The following PVT1 variants were observed in gnomAD, a reference collection of about 807,000 sequenced individuals.
PVT1 encodes the protein CXCR4/PVT1 fusion.
At chr8:127,989,159 T>C (rs1228407526) in intron 3 of PVT1, 1 of 152,240 alleles carries the variant, frequency 6.6e-6, no homozygotes, top group Non-Finnish European at 1.5e-5. Context: ...TGTGTGTTTC[T>C]AGAATCCTGT....
At chr8:127,949,379 CTGTGTGTGTGTGTG>C (rs61425056) in intron 3 of PVT1, among the ~76,000 whole-genome samples, 158 of 111,320 alleles carry the variant, frequency 1.4e-3, no homozygotes, top group African/African-American at 3.9e-3. Flanking sequence ...ACTCCAGGAG[CTGTGTGTGTGTGTG>C]TGTGTGTGTG....
chr8:127,830,563 G>T (rs556472357), intron 2 of PVT1, among the ~76,000 whole-genome samples: 1 of 152,102 alleles, frequency 6.6e-6, no homozygotes, highest in Admixed American at 6.5e-5. Context: ...TGGATATGGA[G>T]GTGAGAAAAT....
chr8:127,802,371 G>A (rs1372760790), intron 2 of PVT1, among the ~76,000 whole-genome samples: 2 of 151,932 alleles, frequency 1.3e-5, no homozygotes, highest in Non-Finnish European at 2.9e-5. Flanking sequence ...GTGTCACCAC[G>A]CCCAGCTAAT....
intron 4 of PVT1, among the ~76,000 whole-genome samples, chr8:128,057,358 C>T (rs569364850): frequency 3.9e-5 from 6 of 152,276 alleles, no homozygotes; most frequent in African/African-American, 1.4e-4. Context: ...TATGACCTAA[C>T]CGGAAAAACC....
intron 2 of PVT1, among the ~76,000 whole-genome samples, chr8:127,823,377 T>C (rs548162438): frequency 5.9e-5 from 9 of 152,212 alleles, no homozygotes; most frequent in Admixed American, 2.0e-4. Context: ...TATGCTTAAA[T>C]TCTGGGTCTG....
At chr8:127,943,670 G>T (rs906630516) in intron 3 of PVT1, among the ~76,000 whole-genome samples, 1 of 152,196 alleles carries the variant, frequency 6.6e-6, no homozygotes, top group Non-Finnish European at 1.5e-5. Context: ...TTTTGTGGTG[G>T]TGTTGGTGGT....
At chr8:127,808,075 T>C (rs187579106) in intron 2 of PVT1, among the ~76,000 whole-genome samples, 260 of 152,222 alleles carry the variant, frequency 1.7e-3, no homozygotes, top group African/African-American at 6.0e-3. Context: ...GCTGAGACAG[T>C]CTTGCTCTGT....
chr8:127,867,152 G>T (rs1815294152), intron 2 of PVT1, among the ~76,000 whole-genome samples: 3 of 152,234 alleles, frequency 2.0e-5, no homozygotes, highest in Non-Finnish European at 4.4e-5. Context: ...GGGCTTGCTT[G>T]CCCAGAATGC....
intron 4 of PVT1, among the ~76,000 whole-genome samples, chr8:128,052,173 C>A (rs957776038): frequency 6.6e-6 from 1 of 152,172 alleles, no homozygotes; most frequent in Non-Finnish European, 1.5e-5. Context: ...TGGCCTGGTG[C>A]CTGAGTCCAT....
At chr8:127,973,312 G>A (rs1329743791) in intron 3 of PVT1, among the ~76,000 whole-genome samples, 3 of 152,188 alleles carry the variant, frequency 2.0e-5, no homozygotes, top group Non-Finnish European at 4.4e-5. Flanking sequence ...TAAGAATAAT[G>A]GAGAGAGCCA....
intron 3 of PVT1, among the ~76,000 whole-genome samples, chr8:127,954,984 A>C (rs1816552105): frequency 1.3e-5 from 2 of 152,244 alleles, no homozygotes; most frequent in Non-Finnish European, 2.9e-5. Context: ...AACGCAATAC[A>C]GTACGCATAT....
intron 2 of PVT1, among the ~76,000 whole-genome samples, chr8:127,877,295 C>T (rs773007636): frequency 5.9e-5 from 9 of 152,188 alleles, no homozygotes; most frequent in Non-Finnish European, 1.2e-4. Flanking sequence ...AGGGGCCCGC[C>T]CTTTTCACGC....
chr8:128,097,229 C>T (rs1160319438), intron 6 of PVT1, among the ~76,000 whole-genome samples: 2 of 152,124 alleles, frequency 1.3e-5, no homozygotes, highest in Non-Finnish European at 2.9e-5. Context: ...GGCATGGTAG[C>T]GCACATCTGT....
chr8:127,809,060 G>GAAAGA (rs1814562176), intron 2 of PVT1, among the ~76,000 whole-genome samples: 1 of 102,672 alleles, frequency 9.7e-6, no homozygotes, highest in East Asian at 2.9e-4. Flanking sequence ...AAAAAAGAAA[G>GAAAGA]AAAAAAAAGA....
chr8:128,034,228 G>A (rs1813433443), intron 4 of PVT1, among the ~76,000 whole-genome samples: 2 of 147,212 alleles, frequency 1.4e-5, no homozygotes, highest in Non-Finnish European at 3.0e-5. Context: ...CTTAGTCTGT[G>A]CCAAACATAA....
chr8:128,022,573 A>G (rs1272917321), intron 4 of PVT1, among the ~76,000 whole-genome samples: 3 of 152,100 alleles, frequency 2.0e-5, no homozygotes, highest in African/African-American at 7.2e-5. Flanking sequence ...TGTCCGGTTC[A>G]CTCTTGGCCT....
At chr8:128,028,921 C>T (rs564500557) in intron 4 of PVT1, among the ~76,000 whole-genome samples, 2 of 152,312 alleles carry the variant, frequency 1.3e-5, no homozygotes, top group Admixed American at 6.5e-5. Context: ...CAGCTCACTG[C>T]AGCCTTGACC....
intron 4 of PVT1, among the ~76,000 whole-genome samples, chr8:128,033,266 G>A (rs1458326458): frequency 1.3e-5 from 2 of 152,212 alleles, no homozygotes; most frequent in African/African-American, 2.4e-5. Flanking sequence ...TTGCCTAACA[G>A]AGCAGTGGCT....
chr8:127,948,158 C>T (rs1816449049), intron 3 of PVT1: 1 of 365,552 alleles, frequency 2.7e-6, no homozygotes, highest in African/African-American at 2.1e-5. Flanking sequence ...TTTTATTATC[C>T]CTGACAAAGG....
Sources: gnomAD v4.1 joint callset for allele counts (sites outside exome capture counted in the v4.1 genomes callset) on GRCh38, gnomAD v4.1.1 for gene constraint, MANE v1.5 for transcripts, NCBI Gene and HGNC (gene_info 2026-07-23, HGNC 2026-07-21) for gene names.